Variants in LRP1B observed in about 807,000 individuals in gnomAD.
LRP1B encodes low-density lipoprotein receptor-related protein 1B.
Under a neutral mutation model 556.6 loss-of-function variants are expected in LRP1B, and 217 were observed. The ratio of observed to expected loss-of-function variants is 0.39; its 90% CI spans 0.35 to 0.44. The LOEUF is 0.44. Among genes scored for constraint, LRP1B ranks in the 20% least tolerant of loss-of-function variants. LRP1B has a pLI of 1.00. For missense variants in LRP1B, 5,053 were observed against 5,620.8 expected, an observed-to-expected ratio of 0.90 and a Z score of 3.23; for synonymous variants, 2,047 against 1,865.8, an observed-to-expected ratio of 1.10 and a Z score of -2.50.
At chr2:140,424,971 TTATTG>T (rs1685593994) in intron 66 of LRP1B, among the ~76,000 whole-genome samples, 1 of 152,176 alleles carries the variant, frequency 6.6e-6, no homozygotes, top group Non-Finnish European at 1.5e-5. Flanking sequence ...ATTGCTTATT[TTATTG>T]TATTTATTTT....
chr2:141,033,360 G>GAAAGTTGTAAGTAGATTAACCAGACT (rs1397834389), intron 11 of LRP1B, among the ~76,000 whole-genome samples: 1 of 151,982 alleles, frequency 6.6e-6, no homozygotes, highest in African/African-American at 2.4e-5. Flanking sequence ...GAAGTCATTG[G>GAAAGTTGTAAGTAGATTAACCAGACT]AAAGTTGTAA....
chr2:142,065,042 C>A (rs1705057960), intron 1 of LRP1B, among the ~76,000 whole-genome samples: 1 of 151,356 alleles, frequency 6.6e-6, no homozygotes, highest in Non-Finnish European at 1.5e-5. Flanking sequence ...AAAGAGTAAT[C>A]CTGAAATATC....
chr2:142,093,932 A>T (rs1181073093), intron 1 of LRP1B, among the ~76,000 whole-genome samples: 1 of 152,068 alleles, frequency 6.6e-6, no homozygotes, highest in African/African-American at 2.4e-5. Context: ...AAAATGCCAT[A>T]AAATGGGTGG....
At chr2:141,499,437 C>T (rs1458465034) in intron 2 of LRP1B, among the ~76,000 whole-genome samples, 3 of 151,982 alleles carry the variant, frequency 2.0e-5, no homozygotes, top group African/African-American at 2.4e-5. Flanking sequence ...TGGTTCTTTT[C>T]GCTTTGTATC....
Position 141,586,665 on chromosome 2 carries a change from G to A in LRP1B, c.206-106132C>T, listed in dbSNP as rs370787572. 9.9e-5 allele frequency among the ~76,000 whole-genome samples: 15 copies of A among 152,240 alleles called. No individual in the cohort carries two copies. In the East Asian group the frequency reaches 2.3e-3, roughly 24 times the overall value. On this transcript the variant is annotated intron_variant, in intron 2 of 90. Coordinates refer to ENST00000389484, the MANE Select transcript of LRP1B (RefSeq NM_018557.3). ...ATGCATTAAAGAGAGAAAGGGGGCC[G>A]GGCGCGGTGGCTCACGCCTGTAATC...
chr2:140,738,814 G>A (rs1296374955), intron 35 of LRP1B, among the ~76,000 whole-genome samples: 1 of 152,180 alleles, frequency 6.6e-6, no homozygotes, highest in Admixed American at 6.5e-5. Flanking sequence ...AAATGTGGAT[G>A]AGCCAAGTAT....
intron 43 of LRP1B, among the ~76,000 whole-genome samples, chr2:140,584,140 T>C (rs894926359): frequency 4.1e-4 from 62 of 152,218 alleles, no homozygotes; most frequent in African/African-American, 1.5e-3. Context: ...TTAGTTTTCT[T>C]ATGTGTAAAA....
chr2:141,222,196 A>G (rs879681793), intron 6 of LRP1B, among the ~76,000 whole-genome samples: 5 of 152,248 alleles, frequency 3.3e-5, no homozygotes, highest in Non-Finnish European at 5.9e-5. Context: ...ATATGAAATG[A>G]TAAAGGAGAT....
intron 1 of LRP1B, among the ~76,000 whole-genome samples, chr2:141,955,061 G>A (rs1240927406): frequency 6.6e-6 from 1 of 152,126 alleles, no homozygotes; most frequent in Non-Finnish European, 1.5e-5. Flanking sequence ...ACTGGTTGAA[G>A]ATATTTGCAA....
chr2:141,696,248 T>C lies in LRP1B; in HGVS notation c.205+114031A>G, dbSNP rs559088311. 3.3e-5 allele frequency among the ~76,000 whole-genome samples: 5 copies of C among 152,064 alleles called. No individual in the cohort carries two copies. In the South Asian group the frequency reaches 8.3e-4, roughly 25 times the overall value. On this transcript the variant is annotated intron_variant, in intron 2 of 90. Transcript: ENST00000389484. The stretch of plus-strand genomic sequence containing the variant: ...AAGTACTACACTGTTGAAATAAATC[T>C]AAAATCAAACATAGGGTGCTTATTT...
At chr2:140,800,914 T>C (rs929179062) in intron 32 of LRP1B, among the ~76,000 whole-genome samples, 1 of 152,188 alleles carries the variant, frequency 6.6e-6, no homozygotes, top group Non-Finnish European at 1.5e-5. Context: ...CTTAACTTTT[T>C]ATTTTAATAT....
rs748004663 is a variant in LRP1B, at chr2:140,701,867, A to G, written c.6303-22T>C. On this transcript the variant is annotated intron_variant, in intron 39 of 90. Coordinates refer to ENST00000389484, the MANE Select transcript of LRP1B (RefSeq NM_018557.3). ...TGCTCTGCCAAAAAGTTGAACATAC[A>G]TGATCAACAATCTTCGACTAATTAA... is the stretch of plus-strand genomic sequence containing the variant. 16 of 1,612,122 alleles carry G rather than the reference A, an allele frequency of 9.9e-6. No homozygotes were observed. In the Admixed American group the frequency reaches 1.2e-4, roughly 12 times the overall value.
chr2:140,820,602 T>C (rs1691292436), intron 31 of LRP1B, among the ~76,000 whole-genome samples: 1 of 152,118 alleles, frequency 6.6e-6, no homozygotes, highest in South Asian at 2.1e-4. Flanking sequence ...GAAATTATTT[T>C]TTAAGTGTTT....
At chr2:141,679,444 T>G (rs1295203200) in intron 2 of LRP1B, among the ~76,000 whole-genome samples, 1 of 152,188 alleles carries the variant, frequency 6.6e-6, no homozygotes, top group Non-Finnish European at 1.5e-5. Context: ...TCTAAAAGTC[T>G]GATTATAACG....
In LRP1B at chr2:141,077,364, A is replaced by G. The variant is rs148732441; in HGVS notation, c.1014-15091T>C. On this transcript the variant is annotated intron_variant, in intron 7 of 90. Coordinates refer to ENST00000389484, the MANE Select transcript of LRP1B (RefSeq NM_018557.3). Reference sequence around the variant, plus strand: ...TAGGCCAATTAGTTTTTCAAAGAAAACAGATTGTTTCGATCACACTTGGAT... The same window carrying G: ...TAGGCCAATTAGTTTTTCAAAGAAAGCAGATTGTTTCGATCACACTTGGAT... Among the ~76,000 whole-genome samples, 204 of 152,322 alleles carry G rather than the reference A, an allele frequency of 1.3e-3. 1 individual carries two copies. The highest frequency in any genetic ancestry group is 4.7e-3 in the African/African-American group (194 of 41,560).
intron 6 of LRP1B, among the ~76,000 whole-genome samples, chr2:141,196,598 TAG>T (rs983438339): frequency 2.0e-5 from 3 of 152,126 alleles, no homozygotes; most frequent in Non-Finnish European, 4.4e-5. Flanking sequence ...TTTTTAGAGT[TAG>T]AGTTAATTGC....
intron 2 of LRP1B, among the ~76,000 whole-genome samples, chr2:141,792,178 G>T (rs1695635837): frequency 6.6e-6 from 1 of 151,678 alleles, no homozygotes; most frequent in Non-Finnish European, 1.5e-5. Context: ...TGCAACATAG[G>T]GAATGCAATG....
intron 2 of LRP1B, among the ~76,000 whole-genome samples, chr2:141,623,119 A>G (rs1688562655): frequency 6.6e-6 from 1 of 152,214 alleles, no homozygotes; most frequent in African/African-American, 2.4e-5. Flanking sequence ...ATACTTTACC[A>G]ACCCATCTAA....
chr2:140,419,026 G>A, intron 66 of LRP1B, among the ~76,000 whole-genome samples: 1 of 152,102 alleles, frequency 6.6e-6, no homozygotes. Context: ...ATAAAACACA[G>A]ACATGCCTGA....
Sources: allele counts gnomAD v4.1 joint callset (sites outside exome capture counted in the v4.1 genomes callset), GRCh38; gene constraint gnomAD v4.1.1; transcripts MANE v1.5; gene names NCBI Gene and HGNC (gene_info 2026-07-23, HGNC 2026-07-21).